PCNX1: variants seen among roughly 807,000 people sequenced by gnomAD.
The protein encoded by PCNX1 is pecanex 1.
A neutral mutation model predicts 242.2 loss-of-function variants in PCNX1; 78 were observed. The ratio of observed to expected loss-of-function variants is 0.32; its 90% CI spans 0.27 to 0.39. The LOEUF is 0.39. Ranked by LOEUF, PCNX1 falls within the 10% of genes least tolerant of loss-of-function variation. The pLI, the probability that PCNX1 is intolerant of heterozygous loss-of-function variation, is 1.00. For missense variants in PCNX1, 2,581 were observed against 2,856.5 expected (o/e 0.90, Z 2.20); for synonymous variants, 1,024 against 1,032.9 (o/e 0.99, Z 0.17).
rs1271154263 is a variant in PCNX1, at chr14:71,013,194, G to C, written c.2988G>C (p.Leu996=). ...TTGACAGACTCACACTTTTGGCCCT[G>C]TTTGATAGGTGAGATTATAGTGTGA... The part of the protein sequence containing the change: ...INFDRLTLLA[L]FDRNREILEN... Residue 996 remains leucine (L), a synonymous_variant, in exon 11 of 36, where the codon CTG becomes CTC. Transcript: ENST00000304743. 1.2e-6 allele frequency: 2 copies of C among 1,608,960 alleles called. No individual in the cohort carries two copies.
intron 3 of PCNX1, among the ~76,000 whole-genome samples, chr14:70,963,925 C>A (rs756444546): frequency 6.6e-6 from 1 of 152,138 alleles, no homozygotes; most frequent in Non-Finnish European, 1.5e-5. Context: ...TCGGACTGAT[C>A]TAGTGAGTAC....
intron 1 of PCNX1, among the ~76,000 whole-genome samples, chr14:70,914,333 G>GAA (rs60304465): frequency 0.7 from 106,719 of 151,800 alleles, 37,509 homozygotes; most frequent in South Asian, 0.78. Flanking sequence ...GAATCTAAAG[G>GAA]AAAAGAAAAT....
At chr14:70,974,748 A>G (rs190570106) in intron 5 of PCNX1, among the ~76,000 whole-genome samples, 25 of 152,304 alleles carry the variant, frequency 1.6e-4, no homozygotes, top group African/African-American at 5.8e-4. Flanking sequence ...CACCATGAGC[A>G]GTATGTCTTT....
chr14:71,059,790 C>T (rs1226654466), intron 26 of PCNX1, among the ~76,000 whole-genome samples: 1 of 152,136 alleles, frequency 6.6e-6, no homozygotes, highest in Non-Finnish European at 1.5e-5. Context: ...AATGCCTGAA[C>T]ACATCCTATG....
intron 28 of PCNX1, among the ~76,000 whole-genome samples, chr14:71,087,398 G>A (rs2141628242): frequency 6.6e-6 from 1 of 152,230 alleles, no homozygotes; most frequent in African/African-American, 2.4e-5. Flanking sequence ...TCAATAGTAA[G>A]TTAATATCTT....
At chr14:70,960,840 C>T in intron 2 of PCNX1, among the ~76,000 whole-genome samples, 1 of 149,992 alleles carries the variant, frequency 6.7e-6, no homozygotes, top group African/African-American at 2.5e-5. Context: ...AATCAATGTA[C>T]AAAAATCACA....
At chr14:70,912,325 A>G (rs2055953101) in intron 1 of PCNX1, among the ~76,000 whole-genome samples, 1 of 152,200 alleles carries the variant, frequency 6.6e-6, no homozygotes, top group Non-Finnish European at 1.5e-5. Flanking sequence ...GAATCACTTG[A>G]CAATGTTAAT....
chr14:71,049,115 G>GA, intron 22 of PCNX1: 2 of 894,666 alleles, frequency 2.2e-6, no homozygotes, highest in Non-Finnish European at 1.3e-6. Flanking sequence ...ATACTGGTTG[G>GA]AAAAAAGTGA....
chr14:71,077,209 C>T lies in PCNX1; in HGVS notation c.5337+790C>T, dbSNP rs2061739955. Among the ~76,000 whole-genome samples, 5 of 152,138 alleles carry T rather than the reference C, an allele frequency of 3.3e-5. No individual in the cohort carries two copies. The South Asian group carries it at 1.0e-3, about 31-fold the overall frequency. On this transcript the variant is annotated intron_variant, in intron 28 of 35. Coordinates refer to ENST00000304743, the MANE Select transcript of PCNX1 (RefSeq NM_014982.3). ...GGACTTCAGCAACTACAGCTTTCTTCTAGGTCTCATGATTTTTGTGGTAGT... is the reference window on the plus strand; with the variant it reads ...GGACTTCAGCAACTACAGCTTTCTTTTAGGTCTCATGATTTTTGTGGTAGT...
chr14:71,015,174 C>A (rs1197813650), intron 11 of PCNX1, among the ~76,000 whole-genome samples: 1 of 152,110 alleles, frequency 6.6e-6, no homozygotes, highest in East Asian at 1.9e-4. Flanking sequence ...TTCTTATGAG[C>A]AGACCCACAC....
At chr14:70,955,924 T>C (rs2057975657) in intron 2 of PCNX1, among the ~76,000 whole-genome samples, 1 of 152,134 alleles carries the variant, frequency 6.6e-6, no homozygotes, top group Non-Finnish European at 1.5e-5. Flanking sequence ...TCCTTTGATA[T>C]CTCCTTTCTT....
At chr14:70,943,790 C>CT (rs397829624) in intron 1 of PCNX1, among the ~76,000 whole-genome samples, 1 of 151,798 alleles carries the variant, frequency 6.6e-6, no homozygotes, top group African/African-American at 2.4e-5. Flanking sequence ...TGGGCGAGGC[C>CT]AGGGCCTTGC....
rs116329835 is a variant in PCNX1 at position 71,005,371 on chromosome 14, T to C, written c.2630-4263T>C. Among the ~76,000 whole-genome samples the C allele has an allele frequency of 8.2e-3, 1,251 of 152,044 alleles. 8 individuals carry two copies. The highest frequency in any genetic ancestry group is 0.017 in the South Asian group (82 of 4,806). ...AAGTTTTAAAAAGTAAGCCAGGCAC[T>C]GTGGCGTGTGCCTGCAGCCCCAGCT... On this transcript the variant is annotated intron_variant, in intron 8 of 35. Transcript: ENST00000304743.
At chr14:70,909,179 A>C (rs920079692) in intron 1 of PCNX1, among the ~76,000 whole-genome samples, 2 of 152,174 alleles carry the variant, frequency 1.3e-5, no homozygotes, top group African/African-American at 4.8e-5. Flanking sequence ...TTGGCAGGAA[A>C]AGTGTCTGCT....
rs2061639125 is a variant in PCNX1 at position 71,073,531 on chromosome 14, T to C, written c.4853-14T>C. On this transcript the variant is annotated splice_polypyrimidine_tract_variant and intron_variant, in intron 26 of 35. Coordinates refer to ENST00000304743, the MANE Select transcript of PCNX1 (RefSeq NM_014982.3). ...GGTTTTCCCCCTTTGTAAAGCTCTCTCTCTCTCTCTAAGGTACCTACTGTC... is the reference window on the plus strand; with the variant it reads ...GGTTTTCCCCCTTTGTAAAGCTCTCCCTCTCTCTCTAAGGTACCTACTGTC... 6.3e-7 allele frequency: 1 copy of C among 1,590,702 alleles called. No homozygotes were observed. The highest frequency in any genetic ancestry group is 8.6e-7 in the Non-Finnish European group (1 of 1,164,564).
At chr14:70,948,739 G>A (rs1566606177) in intron 2 of PCNX1, among the ~76,000 whole-genome samples, 3 of 142,024 alleles carry the variant, frequency 2.1e-5, no homozygotes, top group Non-Finnish European at 3.1e-5. Context: ...ATATATATGT[G>A]TATATGTACA....
rs1371598452 is a variant in PCNX1, at chr14:71,047,814, G to A, written c.4168G>A (p.Ala1390Thr). The A allele has an allele frequency of 1.2e-6, 2 of 1,607,692 alleles. No individual in the cohort carries two copies. Among genetic ancestry groups the A allele is most frequent in the African/African-American group, 1.3e-5 (1 of 74,782 alleles). ...GTTTTCTTTGTGCCACAGATTAGGTGCTTTAATGATCACTGTTGCTGGTTT... is the reference window on the plus strand; with the variant it reads ...GTTTTCTTTGTGCCACAGATTAGGTACTTTAATGATCACTGTTGCTGGTTT... ...SPKKLNTELG[A>T]LMITVAGLKL... is the part of the protein sequence containing the mutation. The change falls in exon 22 of 36, where the codon GCT (alanine) becomes ACT (threonine). Residue 1390 changes from alanine (A) to threonine (T), a missense_variant. By Grantham distance (58) the Ala-to-Thr change is moderately conservative. This residue lies in a region of PCNX1 where 432 missense variants were observed against 443.1 expected (regional missense o/e 0.97). Transcript: ENST00000304743.
chr14:70,942,986 T>G (rs1408132323), intron 1 of PCNX1: 1 of 153,030 alleles, frequency 6.5e-6, no homozygotes, highest in Non-Finnish European at 1.5e-5. Context: ...CGCTGGGTAC[T>G]CACTTCTTTC....
At chr14:70,964,879 T>C (rs2058330964) in intron 3 of PCNX1, among the ~76,000 whole-genome samples, 1 of 152,238 alleles carries the variant, frequency 6.6e-6, no homozygotes, top group African/African-American at 2.4e-5. Flanking sequence ...TTATACTGTT[T>C]ATGACAAAAT....
Sources: gnomAD v4.1 joint callset for allele counts (sites outside exome capture counted in the v4.1 genomes callset) on GRCh38, gnomAD v4.1.1 for gene constraint, gnomAD v4.1.1 regional missense constraint, MANE v1.5 for transcripts, NCBI Gene and HGNC (gene_info 2026-07-23, HGNC 2026-07-21) for gene names.